The following DOCK3 variants were observed in gnomAD, a reference collection of about 807,000 sequenced individuals.
DOCK3 encodes the protein dedicator of cytokinesis protein 3.
DOCK3 carries 60 observed loss-of-function variants against 265.6 expected under a neutral mutation model. The observed-to-expected ratio is 0.23, with a 90% confidence interval of 0.18 to 0.28. The LOEUF (loss-of-function observed/expected upper bound fraction) is 0.28, where lower values mean the gene tolerates loss of function less well. DOCK3 is among the 10% of genes least tolerant of loss of function. The probability of loss-of-function intolerance (pLI) is 1.00; values close to 1 mark genes in which losing one functional copy is unlikely to be tolerated. For synonymous variants in DOCK3, 881 were observed against 938.0 expected, an observed-to-expected ratio of 0.94 and a Z score of 1.11; for missense variants, 1,981 against 2,594.3, an observed-to-expected ratio of 0.76 and a Z score of 5.14.
intron 26 of DOCK3, among the ~76,000 whole-genome samples, chr3:51,278,724 A>T (rs1351468756): frequency 6.6e-6 from 1 of 152,134 alleles, no homozygotes; most frequent in African/African-American, 2.4e-5. Flanking sequence ...CACTTGTCCA[A>T]TATTAGCTCA....
intron 2 of DOCK3, among the ~76,000 whole-genome samples, chr3:50,790,831 T>C (rs886330395): frequency 9.9e-5 from 15 of 152,240 alleles, no homozygotes; most frequent in Admixed American, 6.5e-5. Flanking sequence ...TGTGAGATGG[T>C]ATCTCATTGT....
intron 9 of DOCK3, among the ~76,000 whole-genome samples, chr3:51,135,456 C>T (rs905495485): frequency 6.6e-6 from 1 of 152,204 alleles, no homozygotes; most frequent in South Asian, 2.1e-4. Context: ...CTAAGGCCCA[C>T]AATAGGGTTT....
chr3:50,955,937 C>T (rs2076717247), intron 5 of DOCK3, among the ~76,000 whole-genome samples: 1 of 152,114 alleles, frequency 6.6e-6, no homozygotes, highest in Non-Finnish European at 1.5e-5. Flanking sequence ...GATGATGGTA[C>T]TTTTGTTGAA....
chr3:51,070,516 A>G (rs1233043733), intron 6 of DOCK3, among the ~76,000 whole-genome samples: 4 of 152,174 alleles, frequency 2.6e-5, no homozygotes, highest in Non-Finnish European at 4.4e-5. Flanking sequence ...GTGCTTAGAG[A>G]TGATGTACAT....
At position 51,270,852 on chromosome 3, in the gene DOCK3, A is replaced by C; in HGVS notation, c.2393A>C (p.Glu798Ala). 6.2e-7 allele frequency: 1 copy of C among 1,613,984 alleles called. No individual in the cohort carries two copies. Among genetic ancestry groups the C allele is most frequent in the Non-Finnish European group, 8.5e-7 (1 of 1,179,888 alleles). ...LLNSFPTIFD[E>A]LLQMFTVQEV... ...AATTCTTTCCCAACCATCTTTGATGAGCTTCTGCAAATGTTCACCGTGCAA... is the reference window on the plus strand; with the variant it reads ...AATTCTTTCCCAACCATCTTTGATGCGCTTCTGCAAATGTTCACCGTGCAA... The change falls in exon 24 of 53, where the codon GAG becomes GCG. Residue 798 changes from glutamate to alanine, a missense_variant. Physicochemically the swap from Glu to Ala is moderately radical, Grantham distance 107. Around this residue, in one of 4 missense-constraint regions of DOCK3, gnomAD observed 1,357 missense variants for 1,866.8 expected, o/e 0.73. Transcript: ENST00000266037.
chr3:51,185,537 CT>C (rs2087546875), intron 12 of DOCK3, among the ~76,000 whole-genome samples: 1 of 152,138 alleles, frequency 6.6e-6, no homozygotes, highest in Non-Finnish European at 1.5e-5. Flanking sequence ...TGAGGCTTTG[CT>C]TTCTTGTTCT....
intron 27 of DOCK3, among the ~76,000 whole-genome samples, chr3:51,293,282 T>C (rs1357998092): frequency 6.6e-6 from 1 of 152,128 alleles, no homozygotes; most frequent in Admixed American, 6.6e-5. Context: ...AACAGACACA[T>C]TGACCAATAG....
intron 5 of DOCK3, among the ~76,000 whole-genome samples, chr3:50,989,588 G>T (rs949158936): frequency 1.8e-4 from 28 of 152,156 alleles, no homozygotes; most frequent in African/African-American, 6.0e-4. Context: ...GAAGAAGTCA[G>T]CTTCAAATAA....
At chr3:51,333,382 T>A (rs1050140421) in intron 35 of DOCK3, 129 bp downstream of exon 35, 2 of 927,654 alleles carry the variant, frequency 2.2e-6, no homozygotes, top group Admixed American at 3.7e-5. Flanking sequence ...TTGGGTGCCA[T>A]CACCAGTCAA....
At chr3:51,357,704 A>T (rs2086456288) in intron 44 of DOCK3, 54 bp from the exon 45 acceptor site, 1 of 1,594,094 alleles carries the variant, frequency 6.3e-7, no homozygotes. Context: ...CCTGGGCCCC[A>T]CTTAAGTAGT....
intron 5 of DOCK3, among the ~76,000 whole-genome samples, chr3:51,056,838 A>C (rs1271954401): frequency 6.6e-6 from 1 of 152,208 alleles, no homozygotes; most frequent in Non-Finnish European, 1.5e-5. Flanking sequence ...AAAATAGGGG[A>C]GATCTGGTAA....
intron 27 of DOCK3, among the ~76,000 whole-genome samples, chr3:51,306,821 T>A (rs1164156109): frequency 6.6e-6 from 1 of 152,220 alleles, no homozygotes; most frequent in Non-Finnish European, 1.5e-5. Flanking sequence ...CACTTTCCTT[T>A]AATTCTTTAA....
rs1415979482 is a variant in DOCK3 at position 50,813,156 on chromosome 3, C to T, written c.122-28519C>T. 2.0e-5 allele frequency among the ~76,000 whole-genome samples: 3 copies of T among 152,314 alleles called. No homozygotes were observed. In the East Asian group the frequency reaches 5.8e-4, roughly 29 times the overall value. On this transcript the variant is annotated intron_variant, in intron 2 of 52. Coordinates refer to ENST00000266037, the MANE Select transcript of DOCK3 (RefSeq NM_004947.5). ...ATGTCTTAAATGTCTACCAACAAGA[C>T]ATAGTTGGAGAACTACAGATGCTCC... is the stretch of plus-strand genomic sequence containing the variant.
intron 1 of DOCK3, among the ~76,000 whole-genome samples, chr3:50,776,610 G>A (rs1431093004): frequency 6.6e-6 from 1 of 151,908 alleles, no homozygotes; most frequent in Non-Finnish European, 1.5e-5. Context: ...TGTTTTTGTT[G>A]CATTTGCCTT....
intron 27 of DOCK3, among the ~76,000 whole-genome samples, chr3:51,294,102 G>T (rs2109213482): frequency 6.6e-6 from 1 of 152,200 alleles, no homozygotes; most frequent in East Asian, 1.9e-4. Flanking sequence ...TATACCCAGA[G>T]GAATTAAACT....
At chr3:50,773,206 A>G (rs548174027) in intron 1 of DOCK3, among the ~76,000 whole-genome samples, 26 of 152,270 alleles carry the variant, frequency 1.7e-4, no homozygotes, top group African/African-American at 6.3e-4. Context: ...TCTTCTATAA[A>G]TTATGCTGGG....
chr3:51,231,550 T>C (rs2090547560), intron 19 of DOCK3, among the ~76,000 whole-genome samples: 1 of 152,204 alleles, frequency 6.6e-6, no homozygotes, highest in South Asian at 2.1e-4. Context: ...GCCACTTTAT[T>C]GTATGTCTTC....
At chr3:51,293,378 A>C (rs11130286) in intron 27 of DOCK3, among the ~76,000 whole-genome samples, 1 of 152,164 alleles carries the variant, frequency 6.6e-6, no homozygotes, top group African/African-American at 2.4e-5. Flanking sequence ...CAATGAAAAA[A>C]GGAGAGTCTC....
intron 5 of DOCK3, among the ~76,000 whole-genome samples, chr3:50,968,213 C>T (rs115072729): frequency 0.02 from 3,052 of 152,300 alleles, 52 homozygotes; most frequent in Non-Finnish European, 0.03. Flanking sequence ...GCCACCCAGG[C>T]TGGAGTGCAG....
Sources: allele counts gnomAD v4.1 joint callset (sites outside exome capture counted in the v4.1 genomes callset), GRCh38; gene constraint gnomAD v4.1.1; regional missense constraint gnomAD v4.1.1; transcripts MANE v1.5; gene names NCBI Gene and HGNC (gene_info 2026-07-23, HGNC 2026-07-21).